SPART: variants seen among roughly 807,000 people sequenced by gnomAD.
SPART encodes spastic paraplegia 20 (Troyer syndrome).
Under a neutral mutation model 58.7 loss-of-function variants are expected in SPART, and 35 were observed. That is an observed-to-expected ratio of 0.60 (90% CI 0.46 to 0.79). The LOEUF (loss-of-function observed/expected upper bound fraction) is 0.79, where lower values mean the gene tolerates loss of function less well. SPART is among the 30% of genes least tolerant of loss of function. SPART has a pLI of 0.00. For synonymous variants in SPART, 284 were observed against 280.7 expected (o/e 1.01, Z -0.12); for missense variants, 730 against 786.1 (o/e 0.93, Z 0.85).
intron 1 of SPART, among the ~76,000 whole-genome samples, chr13:36,367,262 CT>C (rs1225796755): frequency 6.6e-6 from 1 of 152,148 alleles, no homozygotes; most frequent in African/African-American, 2.4e-5. Context: ...CCTTCTTGCC[CT>C]TTCCCCACAT....
At chr13:36,319,207 G>C (rs1274389928) in intron 5 of SPART, among the ~76,000 whole-genome samples, 4 of 139,586 alleles carry the variant, frequency 2.9e-5, no homozygotes, top group Admixed American at 2.2e-4. Flanking sequence ...CCCTTATTAG[G>C]CTGAGACACT....
intron 5 of SPART, among the ~76,000 whole-genome samples, chr13:36,318,900 G>A (rs1204125754): frequency 1.4e-4 from 22 of 152,048 alleles, no homozygotes; most frequent in South Asian, 2.1e-4. Flanking sequence ...AGATCTTCTC[G>A]GCTTAGCGGC....
intron 2 of SPART, among the ~76,000 whole-genome samples, chr13:36,333,488 G>A (rs192471108): frequency 4.6e-4 from 68 of 146,488 alleles, no homozygotes; most frequent in African/African-American, 1.6e-3. Flanking sequence ...CTCCTTTTAA[G>A]GACACTCTGC....
At chr13:36,330,009 T>C (rs2137501780) in intron 3 of SPART, among the ~76,000 whole-genome samples, 1 of 152,344 alleles carries the variant, frequency 6.6e-6, no homozygotes, top group African/African-American at 2.4e-5. Context: ...AGTAACTAGC[T>C]TATGTTTACA....
chr13:36,327,047 T>G (rs1035851589), intron 4 of SPART, among the ~76,000 whole-genome samples: 2 of 152,168 alleles, frequency 1.3e-5, no homozygotes, highest in Non-Finnish European at 2.9e-5. Context: ...TGGTACTCAG[T>G]AAGATTAAAA....
intron 1 of SPART, among the ~76,000 whole-genome samples, chr13:36,358,399 A>C (rs1484529830): frequency 6.6e-6 from 1 of 152,206 alleles, no homozygotes; most frequent in Non-Finnish European, 1.5e-5. Context: ...TGTTGCTGTC[A>C]TGACTAATAT....
intron 8 of SPART, among the ~76,000 whole-genome samples, chr13:36,307,233 A>AC (rs1880599058): frequency 6.6e-6 from 1 of 152,168 alleles, no homozygotes; most frequent in African/African-American, 2.4e-5. Flanking sequence ...TTGAAAAATA[A>AC]TAAAAAATGA....
chr13:36,326,737 AC>A, intron 4 of SPART, 39 bp from the exon 5 acceptor site: 3 of 1,607,822 alleles, frequency 1.9e-6, no homozygotes. Flanking sequence ...AAGAGTTAGT[AC>A]TAAGAGGGGG....
In SPART at chr13:36,335,806, C is replaced by G; in HGVS notation, c.25G>C (p.Glu9Gln). 1 of 1,612,838 alleles carries G rather than the reference C, an allele frequency of 6.2e-7. No homozygotes were observed. Among genetic ancestry groups the G allele is most frequent in the Middle Eastern group, 1.8e-4 (1 of 5,572 alleles). The change falls in exon 2 of 9, where the codon GAA becomes CAA. Residue 9 changes from glutamate to glutamine, a missense_variant. Transcript: ENST00000438666. ...CTGATGATCTTAATTTCAGCAGGTTCTCCATTTTGTGGCTCTTGCTCCATT... is the reference window on the plus strand; with the variant it reads ...CTGATGATCTTAATTTCAGCAGGTTGTCCATTTTGTGGCTCTTGCTCCATT... MEQEPQNG[E>Q]PAEIKIIREA...
In SPART at chr13:36,303,282, A is replaced by G. The variant is rs1316604181; in HGVS notation, c.*1083T>C. The stretch of plus-strand genomic sequence containing the variant: ...CTAATACCAATCTCTTAAATTCAAT[A>G]AACAAAAATTAAATACCATTAGGTA... On this transcript the variant is annotated 3_prime_UTR_variant, in exon 9 of 9. Transcript: ENST00000438666. The G allele has an allele frequency of 2.0e-5, 3 of 152,178 alleles. No homozygotes were observed. The highest frequency in any genetic ancestry group is 7.2e-5 in the African/African-American group (3 of 41,450). 9.4% of individuals were successfully genotyped at this position (152,178 alleles called of 1,614,324 possible).
At chr13:36,323,178 G>A (rs540255911) in intron 5 of SPART, among the ~76,000 whole-genome samples, 1 of 152,284 alleles carries the variant, frequency 6.6e-6, no homozygotes, top group Admixed American at 6.5e-5. Context: ...GCATTCCAGA[G>A]TCCATCTGTA....
At chr13:36,355,090 G>A (rs898861807) in intron 1 of SPART, among the ~76,000 whole-genome samples, 2 of 152,198 alleles carry the variant, frequency 1.3e-5, no homozygotes, top group African/African-American at 4.8e-5. Context: ...GCAATTGCTT[G>A]ATAATGGAGT....
chr13:36,324,070 T>A (rs1593245642), intron 5 of SPART, among the ~76,000 whole-genome samples: 1 of 152,200 alleles, frequency 6.6e-6, no homozygotes, highest in Non-Finnish European at 1.5e-5. Flanking sequence ...TAGTGGCAGC[T>A]GATGAAAAAA....
chr13:36,322,274 TTG>T (rs112542803), intron 5 of SPART, among the ~76,000 whole-genome samples: 1,921 of 152,166 alleles, frequency 0.013, 40 homozygotes, highest in African/African-American at 0.044. Flanking sequence ...TGGTGAAACT[TTG>T]TGTTTACTAA....
rs538120050 is a variant in SPART at position 36,326,542 on chromosome 13, A to C, written c.1288+33T>G. 5.6e-6 allele frequency: 9 copies of C among 1,612,140 alleles called. No homozygotes were observed. The African/African-American group carries it at 9.3e-5, about 17-fold the overall frequency. ...TATTTGGTTCCAAAGGCTTAATGTC[A>C]TACAGGGAAAAAAATTAACATTACT... On this transcript the variant is annotated intron_variant, in intron 5 of 8. Coordinates refer to ENST00000438666, the MANE Select transcript of SPART (RefSeq NM_015087.5).
rs1169941710 is a variant in SPART, at chr13:36,329,537, G to A, written c.1009-20C>T. On this transcript the variant is annotated intron_variant, in intron 3 of 8. Coordinates refer to ENST00000438666, the MANE Select transcript of SPART (RefSeq NM_015087.5). ...GTTGGCCTAGAGAATAAAGGTTTAA[G>A]CTTAACTCTAATCAGAATTTTTCTT... 4 of 1,613,618 alleles carry A rather than the reference G, an allele frequency of 2.5e-6. No homozygotes were observed. Among genetic ancestry groups the A allele is most frequent in the Non-Finnish European group, 3.4e-6 (4 of 1,179,654 alleles).
intron 8 of SPART, among the ~76,000 whole-genome samples, chr13:36,311,835 C>T (rs925422973): frequency 1.3e-5 from 2 of 152,246 alleles, no homozygotes; most frequent in Non-Finnish European, 2.9e-5. Context: ...CGCCTGTAAT[C>T]CCAGCACTTT....
At chr13:36,355,374 A>T (rs2137702736) in intron 1 of SPART, among the ~76,000 whole-genome samples, 1 of 152,290 alleles carries the variant, frequency 6.6e-6, no homozygotes, top group Non-Finnish European at 1.5e-5. Flanking sequence ...CTAACTCTAT[A>T]CAATTCTGAG....
intron 5 of SPART, chr13:36,325,938 T>G (rs1356094854): frequency 1.3e-5 from 2 of 152,364 alleles, no homozygotes; most frequent in Non-Finnish European, 2.9e-5. Flanking sequence ...CAACAAAAAT[T>G]TATTTCTCAC....
Sources: allele counts gnomAD v4.1 joint callset (sites outside exome capture counted in the v4.1 genomes callset), GRCh38; gene constraint gnomAD v4.1.1; transcripts MANE v1.5; gene names NCBI Gene and HGNC (gene_info 2026-07-23, HGNC 2026-07-21).